Variants in NAV2 observed in about 807,000 individuals in gnomAD.
NAV2 encodes the protein helicase, APC down-regulated 1.
Under a neutral mutation model 223.2 loss-of-function variants are expected in NAV2, and 54 were observed. The ratio of observed to expected loss-of-function variants is 0.24; its 90% CI spans 0.19 to 0.30. The LOEUF (loss-of-function observed/expected upper bound fraction) is 0.30, where lower values mean the gene tolerates loss of function less well. Among genes scored for constraint, NAV2 ranks in the 10% least tolerant of loss-of-function variants. The pLI is 1.00. For synonymous variants in NAV2, 1,279 were observed against 1,239.3 expected (o/e 1.03, Z -0.67); for missense variants, 2,806 against 3,147.5 (o/e 0.89, Z 2.60).
chr11:20,030,339 AT>A (rs1239766766), intron 11 of NAV2, among the ~76,000 whole-genome samples: 1 of 152,250 alleles, frequency 6.6e-6, no homozygotes, highest in Non-Finnish European at 1.5e-5. Context: ...ACTTTAAAAA[AT>A]ATCTTATTTT....
At chr11:19,627,001 A>G (rs1317980741) in intron 1 of NAV2, among the ~76,000 whole-genome samples, 1 of 152,218 alleles carries the variant, frequency 6.6e-6, no homozygotes, top group African/African-American at 2.4e-5. Flanking sequence ...AGCACTGGGC[A>G]TATGATCTGG....
At chr11:19,433,546 C>T (rs894674856) in intron 1 of NAV2, among the ~76,000 whole-genome samples, 1 of 152,210 alleles carries the variant, frequency 6.6e-6, no homozygotes, top group Non-Finnish European at 1.5e-5. Context: ...GAGGCAAAAA[C>T]AAATCTATTT....
intron 11 of NAV2, 67 bp downstream of exon 11, chr11:19,984,314 G>A (rs2050571718): frequency 1.9e-6 from 3 of 1,608,216 alleles, no homozygotes; most frequent in Non-Finnish European, 2.5e-6. Flanking sequence ...GAGAAATGAG[G>A]GTTATGATAT....
chr11:19,898,809 A>G (rs562414705), intron 6 of NAV2, among the ~76,000 whole-genome samples: 10 of 152,364 alleles, frequency 6.6e-5, no homozygotes, highest in African/African-American at 2.2e-4. Context: ...CATACTTGAT[A>G]GCACTTTTAT....
intron 1 of NAV2, among the ~76,000 whole-genome samples, chr11:19,674,049 C>G (rs898760973): frequency 6.6e-6 from 1 of 152,172 alleles, no homozygotes; most frequent in Non-Finnish European, 1.5e-5. Flanking sequence ...TGGAAAGCAG[C>G]GTGGGCCGTC....
intron 1 of NAV2, among the ~76,000 whole-genome samples, chr11:19,395,583 A>G (rs1849416154): frequency 6.6e-6 from 1 of 152,198 alleles, no homozygotes; most frequent in Admixed American, 6.5e-5. Flanking sequence ...GGCGGCTGAC[A>G]GACCTTCCCA....
chr11:19,498,048 C>G (rs115566396), intron 1 of NAV2, among the ~76,000 whole-genome samples: 1 of 152,172 alleles, frequency 6.6e-6, no homozygotes, highest in Non-Finnish European at 1.5e-5. Context: ...GTGACTTGCA[C>G]GAGGACATGC....
chr11:19,607,010 C>T (rs556765519), intron 1 of NAV2, among the ~76,000 whole-genome samples: 7 of 152,310 alleles, frequency 4.6e-5, no homozygotes, highest in Admixed American at 2.0e-4. Flanking sequence ...CCTTCCACAC[C>T]GTATGGGCCA....
At chr11:19,629,498 GAC>G (rs779022803) in intron 1 of NAV2, among the ~76,000 whole-genome samples, 2 of 147,002 alleles carry the variant, frequency 1.4e-5, no homozygotes, top group African/African-American at 2.5e-5. Context: ...CACACGTACA[GAC>G]ACACACACTC....
intron 1 of NAV2, among the ~76,000 whole-genome samples, chr11:19,757,247 C>A (rs1187883247): frequency 6.6e-6 from 1 of 152,136 alleles, no homozygotes; most frequent in Non-Finnish European, 1.5e-5. Flanking sequence ...GTTGCCAAAC[C>A]CTTGACTGTC....
intron 1 of NAV2, among the ~76,000 whole-genome samples, chr11:19,470,191 C>T (rs1246860429): frequency 6.6e-6 from 1 of 152,170 alleles, no homozygotes; most frequent in Admixed American, 6.5e-5. Flanking sequence ...TAGACAGACT[C>T]CAGATGATTT....
At chr11:20,084,502 C>T (rs1415511379) in intron 26 of NAV2, among the ~76,000 whole-genome samples, 1 of 152,188 alleles carries the variant, frequency 6.6e-6, no homozygotes, top group Non-Finnish European at 1.5e-5. Flanking sequence ...TTGGAGAACA[C>T]CCTAGTAAGA....
chr11:19,680,426 T>C (rs1565162418), intron 1 of NAV2, among the ~76,000 whole-genome samples: 2 of 152,126 alleles, frequency 1.3e-5, no homozygotes, highest in Admixed American at 6.5e-5. Context: ...AGGGTTTTTT[T>C]CCCCTCCTCT....
At chr11:19,522,531 G>A (rs572527560) in intron 1 of NAV2, among the ~76,000 whole-genome samples, 1 of 152,292 alleles carries the variant, frequency 6.6e-6, no homozygotes, top group Admixed American at 6.5e-5. Context: ...GGGGTATCCA[G>A]AGTGCCCCTG....
At chr11:19,489,300 G>A (rs1289388575) in intron 1 of NAV2, among the ~76,000 whole-genome samples, 3 of 152,212 alleles carry the variant, frequency 2.0e-5, no homozygotes, top group African/African-American at 4.8e-5. Flanking sequence ...TTCTATGGGA[G>A]AGAGAGGGGA....
At chr11:19,702,887 T>C (rs949763194) in intron 1 of NAV2, among the ~76,000 whole-genome samples, 2 of 149,186 alleles carry the variant, frequency 1.3e-5, no homozygotes, top group East Asian at 2.0e-4. Flanking sequence ...AAAAAGGAAA[T>C]CCCATGGAAA....
At chr11:19,740,033 C>G (rs1045507019) in intron 1 of NAV2, among the ~76,000 whole-genome samples, 1 of 152,186 alleles carries the variant, frequency 6.6e-6, no homozygotes, top group Non-Finnish European at 1.5e-5. Flanking sequence ...CAGGCTCCCC[C>G]TGGAGGGCAG....
At chr11:19,367,371 A>G (rs1848321621) in intron 1 of NAV2, among the ~76,000 whole-genome samples, 1 of 152,158 alleles carries the variant, frequency 6.6e-6, no homozygotes, top group Non-Finnish European at 1.5e-5. Context: ...TTTTGAGGAA[A>G]GCTGTTTCCC....
At chr11:19,819,019 C>T (rs1590715967) in intron 1 of NAV2, among the ~76,000 whole-genome samples, 1 of 152,162 alleles carries the variant, frequency 6.6e-6, no homozygotes, top group African/African-American at 2.4e-5. Flanking sequence ...CCAGATCTTC[C>T]TCCCTCCCTT....
Sources: gnomAD v4.1 joint callset for allele counts (sites outside exome capture counted in the v4.1 genomes callset) on GRCh38, gnomAD v4.1.1 for gene constraint, MANE v1.5 for transcripts, NCBI Gene and HGNC (gene_info 2026-07-23, HGNC 2026-07-21) for gene names.